The following RNF17 variants were observed in gnomAD, a reference collection of about 807,000 sequenced individuals.
The protein encoded by RNF17 is spermatogenesis associated 23.
Under a neutral mutation model 200.5 loss-of-function variants are expected in RNF17, and 31 were observed. The observed-to-expected ratio is 0.15, with a 90% confidence interval of 0.12 to 0.21. RNF17 has a LOEUF of 0.21. Ranked by LOEUF, RNF17 falls within the 10% of genes least tolerant of loss-of-function variation. The pLI is 1.00. For synonymous variants in RNF17, 606 were observed against 637.8 expected, an observed-to-expected ratio of 0.95 and a Z score of 0.75; for missense variants, 1,628 against 1,905.1, an observed-to-expected ratio of 0.85 and a Z score of 2.71.
chr13:24,878,827 T>C (rs1052538698), intron 34 of RNF17, among the ~76,000 whole-genome samples: 3 of 151,686 alleles, frequency 2.0e-5, no homozygotes, highest in African/African-American at 7.3e-5. Context: ...TCACCAGCCA[T>C]TGAGGCATCC....
chr13:24,853,514 G>C (rs574599302), intron 24 of RNF17, among the ~76,000 whole-genome samples: 7 of 151,956 alleles, frequency 4.6e-5, no homozygotes, highest in African/African-American at 9.7e-5. Context: ...CCAGATGTCT[G>C]TTCTATGTGT....
chr13:24,875,440 C>T (rs1176079636), intron 33 of RNF17, among the ~76,000 whole-genome samples: 1 of 152,164 alleles, frequency 6.6e-6, no homozygotes, highest in African/African-American at 2.4e-5. Flanking sequence ...TAATCTTGTT[C>T]ATGCCCTAAT....
intron 16 of RNF17, among the ~76,000 whole-genome samples, chr13:24,829,865 G>A (rs886780990): frequency 6.6e-6 from 1 of 152,064 alleles, no homozygotes; most frequent in Non-Finnish European, 1.5e-5. Context: ...TATGCCCCAA[G>A]TACAATATTT....
At chr13:24,829,343 A>G (rs1291508583) in intron 16 of RNF17, among the ~76,000 whole-genome samples, 3 of 152,198 alleles carry the variant, frequency 2.0e-5, no homozygotes, top group Non-Finnish European at 2.9e-5. Flanking sequence ...TCATGTGATA[A>G]TTTAGATAAA....
chr13:24,797,923 T>A (rs1884804550), intron 11 of RNF17, among the ~76,000 whole-genome samples: 1 of 152,104 alleles, frequency 6.6e-6, no homozygotes, highest in Admixed American at 6.6e-5. Context: ...TACATGACAA[T>A]AAATGATGCA....
At chr13:24,786,080 T>A (rs946603324) in intron 6 of RNF17, among the ~76,000 whole-genome samples, 2 of 152,178 alleles carry the variant, frequency 1.3e-5, no homozygotes, top group Non-Finnish European at 2.9e-5. Flanking sequence ...ATGGCTTATT[T>A]GTTGTTGCTT....
At chr13:24,843,309 G>A (rs1382160904) in intron 19 of RNF17, among the ~76,000 whole-genome samples, 1 of 152,154 alleles carries the variant, frequency 6.6e-6, no homozygotes, top group Non-Finnish European at 1.5e-5. Context: ...ATGAGGTCAG[G>A]AGTTTGAGAC....
chr13:24,776,316 A>G (rs1052754956), intron 3 of RNF17, among the ~76,000 whole-genome samples: 6 of 152,192 alleles, frequency 3.9e-5, no homozygotes, highest in African/African-American at 1.4e-4. Flanking sequence ...TTAAAACTCA[A>G]AATTATTCAG....
chr13:24,826,105 A>T, intron 16 of RNF17: 11 of 984,806 alleles, frequency 1.1e-5, no homozygotes, highest in Non-Finnish European at 1.3e-5. Context: ...CAAGGTACAA[A>T]TTAAAGGTGA....
intron 34 of RNF17, among the ~76,000 whole-genome samples, chr13:24,878,504 TCA>T (rs1339406162): frequency 3.3e-5 from 5 of 152,142 alleles, no homozygotes; most frequent in African/African-American, 1.2e-4. Context: ...GTAGCGTGGC[TCA>T]GTCTGGAGGC....
At position 24,811,851 on chromosome 13, in the gene RNF17, C is replaced by T. The variant is rs556311747; in HGVS notation, c.2091+7422C>T. ...GATGTCCTTTCTGTTTGTTAGTTTT[C>T]CTTCATACAGACAGGACCCTCAGCT... On this transcript the variant is annotated intron_variant, in intron 15 of 35. Transcript: ENST00000255324. Among the ~76,000 whole-genome samples the T allele has an allele frequency of 2.0e-5, 3 of 152,112 alleles. No homozygotes were observed. In the South Asian group the frequency reaches 6.2e-4, roughly 32 times the overall value.
the RNF17 span, among the ~76,000 whole-genome samples, chr13:24,888,259 T>TA: frequency 0.016 from 2,493 of 151,350 alleles, 65 homozygotes; most frequent in East Asian, 0.08. Context: ...AAACATACAT[T>TA]AAAAAAAACA....
intron 18 of RNF17, among the ~76,000 whole-genome samples, chr13:24,835,311 C>G (rs115976961): frequency 9.2e-5 from 14 of 152,128 alleles, no homozygotes; most frequent in African/African-American, 2.4e-5. Context: ...GGTTCCTCCT[C>G]GTACTACCAC....
chr13:24,883,442 A>G, downstream of RNF17: 1 of 1,258,856 alleles, frequency 7.9e-7, no homozygotes, highest in African/African-American at 1.5e-5. Flanking sequence ...AAACTACTGA[A>G]AAGTAGCCTT....
intron 15 of RNF17, among the ~76,000 whole-genome samples, chr13:24,814,468 C>T (rs1367114471): frequency 1.3e-5 from 2 of 152,202 alleles, no homozygotes; most frequent in Non-Finnish European, 2.9e-5. Context: ...AATCTGACAT[C>T]ATGATGCTTC....
chr13:24,776,772 A>G (rs1881626096), intron 3 of RNF17, among the ~76,000 whole-genome samples: 1 of 152,134 alleles, frequency 6.6e-6, no homozygotes, highest in Admixed American at 6.6e-5. Context: ...GGCAGTTCCT[A>G]CTCAGCTGTA....
intron 23 of RNF17, among the ~76,000 whole-genome samples, 191 bp downstream of exon 23, chr13:24,850,634 T>A (rs1891782186): frequency 6.6e-6 from 1 of 152,252 alleles, no homozygotes; most frequent in Non-Finnish European, 1.5e-5. Flanking sequence ...GCTTTCTTTT[T>A]TCTAATTTAA....
chr13:24,840,092 G>C (rs1038982297), intron 18 of RNF17, among the ~76,000 whole-genome samples: 2 of 152,018 alleles, frequency 1.3e-5, no homozygotes, highest in Admixed American at 1.3e-4. Flanking sequence ...CTCAAAAAAA[G>C]ATATACAAAT....
intron 19 of RNF17, among the ~76,000 whole-genome samples, chr13:24,843,321 A>T (rs1403266358): frequency 6.6e-6 from 1 of 152,174 alleles, no homozygotes; most frequent in Non-Finnish European, 1.5e-5. Context: ...GTTTGAGACC[A>T]TCCTGGCCAA....
Sources: allele counts gnomAD v4.1 joint callset (sites outside exome capture counted in the v4.1 genomes callset), GRCh38; gene constraint gnomAD v4.1.1; transcripts MANE v1.5; gene names NCBI Gene and HGNC (gene_info 2026-07-23, HGNC 2026-07-21).